SYNE2: variants seen among roughly 807,000 people sequenced by gnomAD.
SYNE2 encodes the protein nesprin-2.
Under a neutral mutation model 856.3 loss-of-function variants are expected in SYNE2, and 431 were observed. That is an observed-to-expected ratio of 0.50 (90% CI 0.47 to 0.55). The LOEUF is 0.55. Ranked by LOEUF, SYNE2 falls within the 20% of genes least tolerant of loss-of-function variation. The pLI, the probability that SYNE2 is intolerant of heterozygous loss-of-function variation, is 0.00. For missense variants in SYNE2, 8,129 were observed against 8,023.2 expected (o/e 1.01, Z -0.50); for synonymous variants, 2,923 against 2,872.3 (o/e 1.02, Z -0.56).
At chr14:64,045,584 G>T (rs531415003) in intron 45 of SYNE2, among the ~76,000 whole-genome samples, 21 of 152,316 alleles carry the variant, frequency 1.4e-4, no homozygotes, top group South Asian at 2.1e-4. Context: ...TCTTCTTACA[G>T]CCTTCCTGGA....
chr14:63,810,024 T>C (rs1265235513), intron 1 of SYNE2, among the ~76,000 whole-genome samples: 1 of 151,908 alleles, frequency 6.6e-6, no homozygotes, highest in Non-Finnish European at 1.5e-5. Flanking sequence ...GGGTTCAAAA[T>C]CAGCCTGGGC....
At chr14:64,167,198 A>T in intron 90 of SYNE2, 35 bp from the exon 91 acceptor site, 1 of 1,613,500 alleles carries the variant, frequency 6.2e-7, no homozygotes, top group Non-Finnish European at 8.5e-7. Flanking sequence ...TCTTATTGGC[A>T]TCCAAAAACC....
At position 64,222,293 on chromosome 14, in the gene SYNE2, G is replaced by A. The variant is rs148001537; in HGVS notation, c.20190+589G>A. Among the ~76,000 whole-genome samples, 83 of 152,332 alleles carry A rather than the reference G, an allele frequency of 5.4e-4. 1 individual carries two copies. The East Asian group carries it at 0.013, about 23-fold the overall frequency. On this transcript the variant is annotated intron_variant, in intron 112 of 115. Transcript: ENST00000555002. ...AATGTTTGCAAAGCAAAGCAGTGGC[G>A]TCCAGTAGAACTTTCTGAAGTGATA...
chr14:64,049,797 C>T lies in SYNE2; in HGVS notation c.7564C>T (p.Leu2522Phe), dbSNP rs1252296059. 4 of 1,613,960 alleles carry T rather than the reference C, an allele frequency of 2.5e-6. No individual in the cohort carries two copies. The East Asian group carries it at 6.7e-5, about 27-fold the overall frequency. ...AAACAAAGAAAGCCAATATTGTGTC[C>T]TCAGAGATTTTCAGGAATACCTTGC... ...KKNKESQYCV[L>F]RDFQEYLAAV... Residue 2522 changes from leucine (L) to phenylalanine (F), a missense_variant, in exon 47 of 116, where the codon CTC becomes TTC. By Grantham distance (22) the Leu-to-Phe change is conservative. Coordinates refer to ENST00000555002, the MANE Select transcript of SYNE2 (RefSeq NM_182914.3).
At position 63,815,019 on chromosome 14, in the gene SYNE2, C is replaced by CATATATATCCATATATACATCCACAT. The variant is rs1555341194; in HGVS notation, c.-304-37438_-304-37413dup. On this transcript the variant is annotated intron_variant, in intron 1 of 23. Transcript: ENST00000674003. ...ATCCATATATATCCATATATACATCCATATATATCCATATATACATCCACA... is the reference window on the plus strand; with the variant it reads ...ATCCATATATATCCATATATACATCCATATATATCCATATATACATCCACATATATATATCCATATATACATCCACA... Among the ~76,000 whole-genome samples, 327 of 117,580 alleles carry CATATATATCCATATATACATCCACAT rather than the reference C, an allele frequency of 2.8e-3. 4 individuals carry two copies. The highest frequency in any genetic ancestry group is 6.5e-3 in the Middle Eastern group (1 of 154). The allele number at this position is 117,580 out of a possible 152,430, so 77.1% of individuals were successfully genotyped here.
At chr14:63,938,052 AC>A (rs780000470) in intron 2 of SYNE2, among the ~76,000 whole-genome samples, 6 of 152,170 alleles carry the variant, frequency 3.9e-5, no homozygotes, top group Non-Finnish European at 7.3e-5. Context: ...GAGTATGACC[AC>A]GACAGCAAGG....
At chr14:64,064,373 A>G (rs2097341483) in intron 50 of SYNE2, among the ~76,000 whole-genome samples, 2 of 152,160 alleles carry the variant, frequency 1.3e-5, no homozygotes, top group Admixed American at 6.6e-5. Context: ...CACACTAGTC[A>G]GAATAGCACT....
Position 63,978,841 on chromosome 14 carries a change from C to T in SYNE2, c.1407-11C>T. 1.2e-6 allele frequency: 2 copies of T among 1,609,204 alleles called. No individual in the cohort carries two copies. Among genetic ancestry groups the T allele is most frequent in the South Asian group, 1.1e-5 (1 of 90,690 alleles). On this transcript the variant is annotated splice_polypyrimidine_tract_variant and intron_variant, in intron 13 of 115. Coordinates refer to ENST00000555002, the MANE Select transcript of SYNE2 (RefSeq NM_182914.3). ...ATTAAGTTAAATTCCAAAACCTGCA[C>T]TGTTTTCCAGAATCAACAACATTTT...
At position 64,053,128 on chromosome 14, in the gene SYNE2, C is replaced by T; in HGVS notation, c.9215C>T (p.Ala3072Val). 1.9e-6 allele frequency: 3 copies of T among 1,614,034 alleles called. No individual in the cohort carries two copies. The highest frequency in any genetic ancestry group is 1.3e-5 in the African/African-American group (1 of 75,048). ...IKKMTEVVLK[A>V]PDSSPESRRL... Reference sequence around the variant, plus strand: ...AAAATGACTGAAGTAGTACTAAAAGCTCCTGATAGCTCTCCGGAAAGCAGA... The same window carrying T: ...AAAATGACTGAAGTAGTACTAAAAGTTCCTGATAGCTCTCCGGAAAGCAGA... Residue 3072 changes from alanine (A) to valine (V), a missense_variant, in exon 48 of 116, where the codon GCT becomes GTT. By Grantham distance (64) the Ala-to-Val change is moderately conservative. Coordinates refer to ENST00000555002, the MANE Select transcript of SYNE2 (RefSeq NM_182914.3).
chr14:63,791,401 A>G (rs992061190), intron 1 of SYNE2, among the ~76,000 whole-genome samples: 2 of 152,102 alleles, frequency 1.3e-5, no homozygotes, highest in African/African-American at 4.8e-5. Context: ...TCCCTCCTCC[A>G]TTGACTTAGC....
intron 1 of SYNE2, among the ~76,000 whole-genome samples, chr14:63,812,307 G>T (rs1053693111): frequency 6.6e-6 from 1 of 152,180 alleles, no homozygotes; most frequent in Non-Finnish European, 1.5e-5. Flanking sequence ...TCTGCAAGAA[G>T]AAAAATATGG....
At position 64,224,996 on chromosome 14, in the gene SYNE2, C is replaced by G. The variant is rs1259242123; in HGVS notation, c.20470-3C>G. ...TACTAACTGGAGTTTCTTTACCCAG[C>G]AGTTCAGAGCAGTGAGAACTACAGA... On this transcript the variant is annotated splice_polypyrimidine_tract_variant and splice_region_variant and intron_variant, in intron 114 of 115. Transcript: ENST00000555002. 5 of 1,613,632 alleles carry G rather than the reference C, an allele frequency of 3.1e-6. No individual in the cohort carries two copies. The South Asian group carries it at 5.5e-5, about 18-fold the overall frequency.
intron 94 of SYNE2, among the ~76,000 whole-genome samples, chr14:64,171,365 G>A (rs2098409800): frequency 6.6e-6 from 1 of 152,210 alleles, no homozygotes; most frequent in Non-Finnish European, 1.5e-5. Flanking sequence ...TGGATGGAGA[G>A]AAGACCTTCG....
chr14:63,833,212 A>G (rs770691379), intron 1 of SYNE2, among the ~76,000 whole-genome samples: 3 of 152,004 alleles, frequency 2.0e-5, no homozygotes, highest in Non-Finnish European at 4.4e-5. Flanking sequence ...CTGTCCAAAA[A>G]AAAAGAAAAG....
chr14:64,050,203 T>A lies in SYNE2; in HGVS notation c.7643+327T>A, dbSNP rs192044288. ...GGCACATCTTAGCTGTGTCCTCATGTGGTAGCAGGAGAAGTGCAGCTCTCT... is the reference window on the plus strand; with the variant it reads ...GGCACATCTTAGCTGTGTCCTCATGAGGTAGCAGGAGAAGTGCAGCTCTCT... On this transcript the variant is annotated intron_variant, in intron 47 of 115. Transcript: ENST00000555002. Among the ~76,000 whole-genome samples the A allele has an allele frequency of 1.5e-4, 23 of 152,322 alleles. No homozygotes were observed. The East Asian group carries it at 4.4e-3, about 29-fold the overall frequency.
chr14:63,974,880 G>GTATATATATATATATATATAAA (rs1297032187), intron 11 of SYNE2, among the ~76,000 whole-genome samples: 1 of 28,564 alleles, frequency 3.5e-5, no homozygotes, highest in Non-Finnish European at 6.7e-5. Flanking sequence ...GTGTGTGTGT[G>GTATATATATATATATATATAAA]TGTGTGTGTG....
chr14:64,113,076 C>A (rs375239500), intron 65 of SYNE2: 1 of 985,212 alleles, frequency 1.0e-6, no homozygotes, highest in Non-Finnish European at 1.2e-6. Context: ...TGGGGCTCAC[C>A]GGGTAGTGAA....
At chr14:63,973,588 C>T (rs1163140608) in intron 11 of SYNE2, among the ~76,000 whole-genome samples, 1 of 130,226 alleles carries the variant, frequency 7.7e-6, no homozygotes, top group African/African-American at 3.0e-5. Flanking sequence ...GCCAAGATTG[C>T]AGCACTACAC....
In SYNE2 at chr14:64,152,720, C is replaced by T. The variant is rs1398693677; in HGVS notation, c.15792+4C>T. The stretch of plus-strand genomic sequence containing the variant: ...GAGAAGCAGTGTTCTCACTCAGGTA[C>T]TAGAATTCATTTGAAATGTGCTATT... On this transcript the variant is annotated splice_donor_region_variant and intron_variant, in intron 85 of 115. Coordinates refer to ENST00000555002, the MANE Select transcript of SYNE2 (RefSeq NM_182914.3). The T allele has an allele frequency of 6.2e-7, 1 of 1,613,962 alleles. No individual in the cohort carries two copies. The highest frequency in any genetic ancestry group is 1.7e-5 in the Admixed American group (1 of 60,026).
Sources: allele counts gnomAD v4.1 joint callset (sites outside exome capture counted in the v4.1 genomes callset), GRCh38; gene constraint gnomAD v4.1.1; transcripts MANE v1.5; gene names NCBI Gene and HGNC (gene_info 2026-07-23, HGNC 2026-07-21).